The following CC2D1A variants were observed in gnomAD, a reference collection of about 807,000 sequenced individuals.
CC2D1A encodes the protein coiled-coil and C2 domain-containing protein 1A.
Under a neutral mutation model 123.8 loss-of-function variants are expected in CC2D1A, and 68 were observed. That is an observed-to-expected ratio of 0.55 (90% CI 0.45 to 0.67). The LOEUF is 0.67. Ranked by LOEUF, CC2D1A falls within the 30% of genes least tolerant of loss-of-function variation. CC2D1A has a pLI of 0.00. For missense variants in CC2D1A, 1,185 were observed against 1,290.3 expected (o/e 0.92, Z 1.25); for synonymous variants, 477 against 528.0 (o/e 0.90, Z 1.32).
At chr19:13,919,687 A>G in intron 11 of CC2D1A, 131 bp from the exon 12 acceptor site, 1 of 987,652 alleles carries the variant, frequency 1.0e-6, no homozygotes, top group Non-Finnish European at 1.4e-6. Context: ...CAAAAAAAAA[A>G]AAATTAATTA....
chr19:13,930,386 C>T lies in CC2D1A; in HGVS notation c.2847C>T (p.Leu949=). ...RNLVESELQR[L]RR ...CTCCTCTCCCCCAGCTGCAGCGGCT[C>T]CGCAGGTGAGGAGCCCATGGGGCGG... The change falls in exon 29 of 29, where the codon CTC becomes CTT. Residue 949 remains leucine, a synonymous_variant. Transcript: ENST00000318003. The surrounding 1 kb of genome is among the most constrained non-coding windows in gnomAD (Gnocchi z 6.8). The T allele has an allele frequency of 3.7e-6, 6 of 1,612,324 alleles. No homozygotes were observed. Among genetic ancestry groups the T allele is most frequent in the East Asian group, 2.2e-5 (1 of 44,854 alleles).
Position 13,918,919 on chromosome 19 carries a change from C to T in CC2D1A, c.1026C>T (p.Pro342=). 2 of 1,609,564 alleles carry T rather than the reference C, an allele frequency of 1.2e-6. No individual in the cohort carries two copies. The highest frequency in any genetic ancestry group is 1.7e-6 in the Non-Finnish European group (2 of 1,177,406). ...TCCCCCTGTCCGGCCCAGAGGTGCC[C>T]CCACCCCCGAGGACCCTGCTGGAGG... ...PATAPSTTEV[P]PPPRTLLEAL... is the part of the protein sequence containing the mutation. Residue 342 remains proline (P), a synonymous_variant, in exon 10 of 29, where the codon CCC becomes CCT. Coordinates refer to ENST00000318003, the MANE Select transcript of CC2D1A (RefSeq NM_017721.5).
rs368063676 is a variant in CC2D1A, at chr19:13,926,541, C to T, written c.1965C>T (p.Asn655=). ...GGATCTTCCCTGACCTCAGCAGCAA[C>T]GACATGCTCCTCTTCATCGTGAAGG... ...VIKIFPDLSS[N]DMLLFIVKGI... is the part of the protein sequence containing the mutation. Residue 655 remains asparagine (N), a synonymous_variant, in exon 18 of 29, where the codon AAC becomes AAT. Coordinates refer to ENST00000318003, the MANE Select transcript of CC2D1A (RefSeq NM_017721.5). 2.9e-5 allele frequency: 46 copies of T among 1,614,010 alleles called. No homozygotes were observed. In the African/African-American group the frequency reaches 4.1e-4, roughly 15 times the overall value.
At chr19:13,915,408 G>A (rs561063110) in intron 6 of CC2D1A, among the ~76,000 whole-genome samples, 1 of 152,226 alleles carries the variant, frequency 6.6e-6, no homozygotes, top group African/African-American at 2.4e-5. Flanking sequence ...ACCAAGCCCG[G>A]CTAATTTTTG....
chr19:13,926,058 G>GTATATA (rs201590156), intron 17 of CC2D1A, among the ~76,000 whole-genome samples: 1 of 98,982 alleles, frequency 1.0e-5, no homozygotes, highest in African/African-American at 4.8e-5. Context: ...GTATATATAT[G>GTATATA]TATATATACA....
At chr19:13,911,624 C>T (rs1268297137) in intron 2 of CC2D1A, among the ~76,000 whole-genome samples, 2 of 149,422 alleles carry the variant, frequency 1.3e-5, no homozygotes, top group Non-Finnish European at 3.0e-5. Context: ...CAGCTCACTG[C>T]GACCTCTGCC....
intron 2 of CC2D1A, among the ~76,000 whole-genome samples, chr19:13,911,517 GT>G (rs1006316553): frequency 6.7e-6 from 1 of 149,292 alleles, no homozygotes; most frequent in Non-Finnish European, 1.5e-5. Context: ...CAGAGCTGGG[GT>G]TTTTTTTGTT....
At chr19:13,919,720 G>T in intron 11 of CC2D1A, 98 bp from the exon 12 acceptor site, 2 of 1,263,258 alleles carry the variant, frequency 1.6e-6, no homozygotes, top group Non-Finnish European at 2.1e-6. Context: ...AAAGGCCCAA[G>T]ACTCTATAGG....
chr19:13,919,456 C>T (rs570606151), intron 11 of CC2D1A, among the ~76,000 whole-genome samples: 3 of 152,100 alleles, frequency 2.0e-5, no homozygotes, highest in Admixed American at 2.0e-4. Flanking sequence ...ATTGGCAAAC[C>T]GGCTGGACGA....
In CC2D1A at chr19:13,930,303, G is replaced by A. The variant is rs1023648364; in HGVS notation, c.2835+14G>A. The A allele has an allele frequency of 6.2e-7, 1 of 1,613,810 alleles. No homozygotes were observed. The highest frequency in any genetic ancestry group is 1.3e-5 in the African/African-American group (1 of 74,896). ...GTAGAGAGTGAGGTAAGCAGCTTAGGAGATGGGGTGGTTGGGGGATCACTG... is the reference window on the plus strand; with the variant it reads ...GTAGAGAGTGAGGTAAGCAGCTTAGAAGATGGGGTGGTTGGGGGATCACTG... On this transcript the variant is annotated intron_variant, in intron 28 of 28. Transcript: ENST00000318003. This position sits in a 1 kb window ranked among gnomAD's most constrained non-coding sequence, Gnocchi z 6.8.
At chr19:13,924,267 T>A (rs1384936488) in intron 17 of CC2D1A, among the ~76,000 whole-genome samples, 2 of 152,034 alleles carry the variant, frequency 1.3e-5, no homozygotes, top group Non-Finnish European at 2.9e-5. Flanking sequence ...ACCTCCTGGA[T>A]TCATGCCATT....
intron 6 of CC2D1A, among the ~76,000 whole-genome samples, chr19:13,914,139 A>G (rs1971117935): frequency 1.3e-5 from 2 of 151,324 alleles, no homozygotes; most frequent in Admixed American, 6.6e-5. Context: ...CGGCCTCCCA[A>G]TTTGCTGGGA....
chr19:13,922,872 T>A (rs1971455407), intron 14 of CC2D1A, among the ~76,000 whole-genome samples: 1 of 152,004 alleles, frequency 6.6e-6, no homozygotes, highest in Admixed American at 6.6e-5. Context: ...GATGCCCTTG[T>A]TAAATGGGAC....
Position 13,920,568 on chromosome 19 carries a change from T to C in CC2D1A, c.1368T>C (p.Pro456=). The change falls in exon 13 of 29, where the codon CCT becomes CCC. Residue 456 remains proline, a synonymous_variant. Transcript: ENST00000318003. The stretch of plus-strand genomic sequence containing the variant: ...CTCTTCCTCTACAGCAGAACAGCCC[T>C]GTGGCCCCCACAGCCCAGCCCAAAG... ...EDEVPKKQNS[P]VAPTAQPKAP... is the part of the protein sequence containing the mutation. 1 of 1,595,006 alleles carries C rather than the reference T, an allele frequency of 6.3e-7. No homozygotes were observed. The highest frequency in any genetic ancestry group is 8.6e-7 in the Non-Finnish European group (1 of 1,165,272).
In CC2D1A at chr19:13,912,555, G is replaced by A. The variant is rs1971042175; in HGVS notation, c.340G>A (p.Glu114Lys). 3 of 1,614,124 alleles carry A rather than the reference G, an allele frequency of 1.9e-6. No individual in the cohort carries two copies. The highest frequency in any genetic ancestry group is 4.5e-5 in the East Asian group (2 of 44,876). The change falls in exon 4 of 29, where the codon GAG becomes AAG. Residue 114 changes from glutamate (E) to lysine (K), a missense_variant. Glu to Lys is a moderately conservative substitution (Grantham distance 56, BLOSUM62 1). Transcript: ENST00000318003. ...LAELNEVLGE[E>K]QKASETPPPV... ...GGAGCTAAATGAGGTCCTTGGAGAG[G>A]AGCAGAAGGCTTCAGAGACCCCACC...
Position 13,930,198 on chromosome 19 carries a change from G to A in CC2D1A, c.2787+44G>A. The A allele has an allele frequency of 6.2e-7, 1 of 1,612,986 alleles. No individual in the cohort carries two copies. ...GGGTGGGCACTGGGCAGCGGGCAGG[G>A]TGGGGCCTGCAGGGACTACCTGCTG... is the stretch of plus-strand genomic sequence containing the variant. On this transcript the variant is annotated intron_variant, in intron 27 of 28. Coordinates refer to ENST00000318003, the MANE Select transcript of CC2D1A (RefSeq NM_017721.5). The surrounding 1 kb of genome is among the most constrained non-coding windows in gnomAD (Gnocchi z 6.8).
In CC2D1A at chr19:13,929,397, T is replaced by C. The variant is rs1300785693; in HGVS notation, c.2538T>C (p.His846=). Reference sequence around the variant, plus strand: ...CCCTTAGATCAGCCCGGCCCCTGCATAGCCTCAGTGTGCTGGCGTTTGACC... The same window carrying C: ...CCCTTAGATCAGCCCGGCCCCTGCACAGCCTCAGTGTGCTGGCGTTTGACC... ...ESGNRSARPL[H]SLSVLAFDQE... Residue 846 remains histidine, a synonymous_variant, in exon 25 of 29, where the codon CAT becomes CAC. Coordinates refer to ENST00000318003, the MANE Select transcript of CC2D1A (RefSeq NM_017721.5). 1 of 1,613,536 alleles carries C rather than the reference T, an allele frequency of 6.2e-7. No homozygotes were observed. Among genetic ancestry groups the C allele is most frequent in the Non-Finnish European group, 8.5e-7 (1 of 1,179,942 alleles).
rs1451333583 is a variant in CC2D1A, at chr19:13,906,308, G to C, written c.-134G>C. 7 of 629,770 alleles carry C rather than the reference G, an allele frequency of 1.1e-5. No homozygotes were observed. Among genetic ancestry groups the C allele is most frequent in the African/African-American group, 3.8e-5 (2 of 52,006 alleles). 39.0% of individuals were successfully genotyped at this position (629,770 alleles called of 1,614,324 possible). ...CGGCCAAGCAGGGAAGCGAGGGCTC[G>C]GGATCGACGGCCGCGGGGCGCCGAC... On this transcript the variant is annotated 5_prime_UTR_variant, in exon 1 of 29. Coordinates refer to ENST00000318003, the MANE Select transcript of CC2D1A (RefSeq NM_017721.5). The surrounding 1 kb of genome is among the most constrained non-coding windows in gnomAD (Gnocchi z 4.1).
chr19:13,924,881 T>G (rs1433150540), intron 17 of CC2D1A, among the ~76,000 whole-genome samples: 2 of 152,136 alleles, frequency 1.3e-5, no homozygotes, highest in Non-Finnish European at 2.9e-5. Flanking sequence ...GCCTGGCTCC[T>G]TGTCACCTCT....
Sources: allele counts gnomAD v4.1 joint callset (sites outside exome capture counted in the v4.1 genomes callset), GRCh38; gene constraint gnomAD v4.1.1; non-coding constraint Gnocchi (gnomAD v3.1); transcripts MANE v1.5; gene names NCBI Gene and HGNC (gene_info 2026-07-23, HGNC 2026-07-21).